The following UBE2E2 variants were observed in gnomAD, a reference collection of about 807,000 sequenced individuals.
UBE2E2 encodes the protein ubiquitin conjugating enzyme E2 E2, also known as ubiquitin-conjugating enzyme E2 E2.
UBE2E2 carries 6 observed loss-of-function variants against 24.7 expected under a neutral mutation model. That is an observed-to-expected ratio of 0.24 (90% confidence interval 0.13 to 0.48). UBE2E2 has a LOEUF of 0.48. Ranked by LOEUF, UBE2E2 falls within the 20% of genes least tolerant of loss-of-function variation. UBE2E2 has a pLI of 0.99. For missense variants in UBE2E2, 169 were observed against 245.0 expected (o/e 0.69, Z 2.07); for synonymous variants, 104 against 83.6 (o/e 1.24, Z -1.33).
At chr3:23,504,584 C>T (rs904708226) in intron 4 of UBE2E2, among the ~76,000 whole-genome samples, 11 of 152,076 alleles carry the variant, frequency 7.2e-5, no homozygotes, top group Non-Finnish European at 1.6e-4. Flanking sequence ...CTTCCCTACA[C>T]TCCCCTCAGC....
intron 3 of UBE2E2, among the ~76,000 whole-genome samples, chr3:23,411,566 A>G (rs1340024975): frequency 6.6e-6 from 1 of 152,168 alleles, no homozygotes; most frequent in Non-Finnish European, 1.5e-5. Context: ...GTTGAGGTCA[A>G]ATTTATATGT....
At position 23,329,287 on chromosome 3, in the gene UBE2E2, G is replaced by T. The variant is rs140850537; in HGVS notation, c.227+111975G>T. Among the ~76,000 whole-genome samples, 449 of 152,266 alleles carry T rather than the reference G, an allele frequency of 2.9e-3. 1 individual carries two copies. The highest frequency in any genetic ancestry group is 4.5e-3 in the Non-Finnish European group (308 of 68,022). ...CTCCCTCTGTCAGAATGGACATCAG[G>T]AAATGTCCACTGAGTGAACATTCAA... is the stretch of plus-strand genomic sequence containing the variant. On this transcript the variant is annotated intron_variant, in intron 3 of 5. Transcript: ENST00000396703.
At chr3:23,458,537 C>T (rs1468771471) in intron 3 of UBE2E2, among the ~76,000 whole-genome samples, 1 of 152,050 alleles carries the variant, frequency 6.6e-6, no homozygotes, top group South Asian at 2.1e-4. Flanking sequence ...CCTGCCTCAG[C>T]CTCCCGAGTA....
At chr3:23,427,479 A>C (rs1697954323) in intron 3 of UBE2E2, among the ~76,000 whole-genome samples, 2 of 152,194 alleles carry the variant, frequency 1.3e-5, no homozygotes. Flanking sequence ...AAAGGCAGAA[A>C]AGGAGTGAAA....
Position 23,407,646 on chromosome 3 carries a change from C to CAT in UBE2E2, c.228-91961_228-91960dup, listed in dbSNP as rs1491355477. Among the ~76,000 whole-genome samples, 5 of 93,522 alleles carry CAT rather than the reference C, an allele frequency of 5.3e-5. No homozygotes were observed. The highest frequency in any genetic ancestry group is 1.1e-4 in the Admixed American group (1 of 8,778). The allele number at this position is 93,522 out of a possible 152,430, so 61.4% of individuals were successfully genotyped here. A position where few individuals can be genotyped will look rare whatever the true frequency, so the allele number is the denominator to read the frequency against. ...GTGTGTGTTTGTGTGTGCATGCGTG[C>CAT]ATGTGTGTGTGTGTGTGTGTGTGTG... On this transcript the variant is annotated intron_variant, in intron 3 of 5. Transcript: ENST00000396703. The surrounding 1 kb of genome is among the most constrained non-coding windows in gnomAD (Gnocchi z 4.0).
At chr3:23,267,592 C>T (rs1474359173) in intron 3 of UBE2E2, among the ~76,000 whole-genome samples, 1 of 151,822 alleles carries the variant, frequency 6.6e-6, no homozygotes, top group Non-Finnish European at 1.5e-5. Context: ...GAGTCCAGGA[C>T]CAGATGGATT....
intron 5 of UBE2E2, among the ~76,000 whole-genome samples, chr3:23,561,603 G>A (rs1695931016): frequency 6.6e-6 from 1 of 151,454 alleles, no homozygotes; most frequent in Non-Finnish European, 1.5e-5. Context: ...TTCCAATTCT[G>A]TGAAGAAAGT....
At chr3:23,445,529 A>C (rs1559385875) in intron 3 of UBE2E2, among the ~76,000 whole-genome samples, 1 of 152,180 alleles carries the variant, frequency 6.6e-6, no homozygotes, top group Non-Finnish European at 1.5e-5. Flanking sequence ...TCATCTGCCA[A>C]ACTTCTTTTA....
intron 3 of UBE2E2, among the ~76,000 whole-genome samples, chr3:23,356,516 G>T (rs1303067834): frequency 6.6e-6 from 1 of 152,086 alleles, no homozygotes. Flanking sequence ...TATGTTTCCT[G>T]AAAACTTATC....
chr3:23,281,201 CACTT>C (rs67984528), intron 3 of UBE2E2, among the ~76,000 whole-genome samples: 11,272 of 152,192 alleles, frequency 0.074, 531 homozygotes, highest in Non-Finnish European at 0.092. Context: ...GCAGAGGTAA[CACTT>C]ACGTTAGTGA....
intron 4 of UBE2E2, among the ~76,000 whole-genome samples, chr3:23,514,503 T>G (rs1403410162): frequency 2.6e-5 from 4 of 152,156 alleles, no homozygotes; most frequent in Non-Finnish European, 5.9e-5. Flanking sequence ...CATATCTAAT[T>G]CTTATACCCA....
chr3:23,409,597 T>C (rs1014590503), intron 3 of UBE2E2, among the ~76,000 whole-genome samples: 1 of 152,208 alleles, frequency 6.6e-6, no homozygotes, highest in African/African-American at 2.4e-5. Context: ...CTTTGTACTA[T>C]TACTGATGTG....
At chr3:23,288,610 A>G (rs7428484) in intron 3 of UBE2E2, among the ~76,000 whole-genome samples, 52,162 of 151,992 alleles carry the variant, frequency 0.34, 9,194 homozygotes, top group South Asian at 0.41. Context: ...TTGGCTGCAC[A>G]TATATTTATG....
rs79602623 is a variant in UBE2E2, at chr3:23,378,209, T to G, written c.228-121399T>G. On this transcript the variant is annotated intron_variant, in intron 3 of 5. Coordinates refer to ENST00000396703, the MANE Select transcript of UBE2E2 (RefSeq NM_152653.4). ...AGAAATGTAGCCAGTGAGCAGAATA[T>G]ACTCAAAGCCAACCACAAATAAGCA... Among the ~76,000 whole-genome samples, 180 of 105,740 alleles carry G rather than the reference T, an allele frequency of 1.7e-3. 4 individuals are homozygous for G. The East Asian group carries it at 0.047, about 27-fold the overall frequency. 69.4% of individuals were successfully genotyped at this position (105,740 alleles called of 152,430 possible). A position where few individuals can be genotyped will look rare whatever the true frequency, so the allele number is the denominator to read the frequency against.
intron 5 of UBE2E2, among the ~76,000 whole-genome samples, chr3:23,573,800 C>T (rs771981803): frequency 3.3e-5 from 5 of 152,090 alleles, no homozygotes; most frequent in South Asian, 2.1e-4. Context: ...GGGCAATGTA[C>T]GCCAATATGG....
chr3:23,546,655 T>C (rs1290011113), intron 5 of UBE2E2, among the ~76,000 whole-genome samples: 1 of 151,684 alleles, frequency 6.6e-6, no homozygotes, highest in Non-Finnish European at 1.5e-5. Flanking sequence ...GTATTTTTAG[T>C]AGAGGTGGGG....
intron 3 of UBE2E2, among the ~76,000 whole-genome samples, chr3:23,359,757 T>C (rs888463723): frequency 6.6e-6 from 1 of 152,148 alleles, no homozygotes; most frequent in Non-Finnish European, 1.5e-5. Flanking sequence ...GAAATTATAC[T>C]TGCACCTTGA....
chr3:23,301,671 G>T (rs913562505), intron 3 of UBE2E2, among the ~76,000 whole-genome samples: 2 of 152,174 alleles, frequency 1.3e-5, no homozygotes, highest in African/African-American at 4.8e-5. Context: ...ACCCGGCCGT[G>T]TGAGGTGTCA....
At chr3:23,323,174 C>T (rs1001940820) in intron 3 of UBE2E2, among the ~76,000 whole-genome samples, 30 of 152,216 alleles carry the variant, frequency 2.0e-4, no homozygotes, top group Admixed American at 1.8e-3. Flanking sequence ...ATTTGATCCT[C>T]ACAACCACCT....
Sources: gnomAD v4.1 joint callset for allele counts (sites outside exome capture counted in the v4.1 genomes callset) on GRCh38, gnomAD v4.1.1 for gene constraint, Gnocchi (gnomAD v3.1) non-coding constraint, MANE v1.5 for transcripts, NCBI Gene and HGNC (gene_info 2026-07-23, HGNC 2026-07-21) for gene names.